CCDC77: variants seen among roughly 807,000 people sequenced by gnomAD.
CCDC77 encodes coiled-coil domain-containing protein 77.
Under a neutral mutation model 66.8 loss-of-function variants are expected in CCDC77, and 56 were observed. The ratio of observed to expected loss-of-function variants is 0.84; its 90% CI spans 0.68 to 1.05. The LOEUF (loss-of-function observed/expected upper bound fraction) is 1.05. Ranked by LOEUF, CCDC77 falls within the 50% of genes least tolerant of loss-of-function variation. The pLI is 0.00. For synonymous variants in CCDC77, 196 were observed against 195.2 expected, an observed-to-expected ratio of 1.00 and a Z score of -0.03; for missense variants, 570 against 576.8, an observed-to-expected ratio of 0.99 and a Z score of 0.12.
At chr12:416,030 G>A (rs10160995) in intron 4 of CCDC77, among the ~76,000 whole-genome samples, 118,577 of 151,452 alleles carry the variant, frequency 0.78, 46,652 homozygotes, top group Middle Eastern at 0.86. Context: ...GGTCTTGAAC[G>A]CCTGACCACA....
chr12:407,576 G>T (rs1456469209), intron 2 of CCDC77, among the ~76,000 whole-genome samples: 1 of 152,058 alleles, frequency 6.6e-6, no homozygotes. Context: ...TGAGACTTCA[G>T]GAGATCACCA....
intron 12 of CCDC77, 78 bp downstream of exon 12, chr12:441,074 A>C (rs1945849956): frequency 6.8e-7 from 1 of 1,468,134 alleles, no homozygotes; most frequent in Non-Finnish European, 9.4e-7. Context: ...GCCCCTGAAA[A>C]GAAGGATGTG....
At position 411,797 on chromosome 12, in the gene CCDC77, G is replaced by A. The variant is rs1447658703; in HGVS notation, c.89G>A (p.Arg30Lys). The change falls in exon 4 of 13, where the codon AGG (arginine) becomes AAG (lysine). Residue 30 changes from arginine (R) to lysine (K), a missense_variant. Physicochemically the swap from Arg to Lys is conservative, Grantham distance 26. Transcript: ENST00000239830. ...GTTGCCGTCAGTGGTCCCACCAAGA[G>A]GAGGGGAATGGCAGATTCACTGGAG... is the stretch of plus-strand genomic sequence containing the variant. ...RGVAVSGPTK[R>K]RGMADSLEST... 2 of 1,614,018 alleles carry A rather than the reference G, an allele frequency of 1.2e-6. No individual in the cohort carries two copies. The highest frequency in any genetic ancestry group is 1.7e-6 in the Non-Finnish European group (2 of 1,180,034).
At position 390,237 on chromosome 12, in the gene CCDC77, CT is replaced by C. The variant is rs1411501722; in HGVS notation, c.-113+753del. On this transcript the variant is annotated intron_variant, in intron 1 of 11. Transcript: ENST00000422000. ...TTACCAGTATCCTAATTTAAATACTCTTACTGACAACAGCTGATTTCTCCTC... is the reference window on the plus strand; with the variant it reads ...TTACCAGTATCCTAATTTAAATACTCTACTGACAACAGCTGATTTCTCCTC... 2.0e-5 allele frequency: 3 copies of C among 151,832 alleles called. No individual in the cohort carries two copies. In the East Asian group the frequency reaches 5.8e-4, roughly 29 times the overall value. 9.4% of individuals were successfully genotyped at this position (151,832 alleles called of 1,614,324 possible).
intron 1 of CCDC77, among the ~76,000 whole-genome samples, chr12:391,092 A>G (rs1477015381): frequency 6.6e-6 from 1 of 152,368 alleles, no homozygotes; most frequent in East Asian, 1.9e-4. Flanking sequence ...GAAGAGTGAC[A>G]ATGTCACATT....
rs1290835083 is a variant in CCDC77 at position 442,490 on chromosome 12, C to T, written c.*570C>T. 6.6e-6 allele frequency: 1 copy of T among 152,224 alleles called. No individual in the cohort carries two copies. The highest frequency in any genetic ancestry group is 2.4e-5 in the African/African-American group (1 of 41,442). The allele number at this position is 152,224 out of a possible 1,614,324, so 9.4% of individuals were successfully genotyped here. A position where few individuals can be genotyped will look rare whatever the true frequency, so the allele number is the denominator to read the frequency against. On this transcript the variant is annotated 3_prime_UTR_variant, in exon 13 of 13. Transcript: ENST00000239830. ...GCGCTAGAGACTCAAACGAAATGTC[C>T]ATCTGGAAAGATTCGGGAGACACTT...
intron 4 of CCDC77, among the ~76,000 whole-genome samples, chr12:414,235 G>A (rs1945178095): frequency 2.0e-5 from 3 of 151,710 alleles, no homozygotes; most frequent in Admixed American, 2.0e-4. Context: ...GGGATTATAG[G>A]TGCCCACCAC....
intron 5 of CCDC77, chr12:418,921 A>G (rs1945338983): frequency 3.2e-6 from 1 of 314,984 alleles, no homozygotes. Flanking sequence ...CTGGTCTCGA[A>G]CTCTTGGCCT....
chr12:436,317 C>T (rs904485291), intron 9 of CCDC77, among the ~76,000 whole-genome samples: 1 of 151,586 alleles, frequency 6.6e-6, no homozygotes, highest in South Asian at 2.1e-4. Flanking sequence ...TTAGTAGAGA[C>T]AAGGTTTCAC....
intron 2 of CCDC77, among the ~76,000 whole-genome samples, chr12:406,673 G>A (rs980466978): frequency 1.4e-4 from 22 of 152,288 alleles, no homozygotes; most frequent in Non-Finnish European, 2.9e-4. Flanking sequence ...GGGACCAGGC[G>A]TGGTGACTCA....
At chr12:427,033 T>G (rs1309347827) in intron 5 of CCDC77, among the ~76,000 whole-genome samples, 1 of 152,014 alleles carries the variant, frequency 6.6e-6, no homozygotes, top group South Asian at 2.1e-4. Context: ...GATCACGAGG[T>G]CAGGAGTTCA....
At chr12:403,684 G>T (rs935745298) in intron 1 of CCDC77, among the ~76,000 whole-genome samples, 1 of 152,140 alleles carries the variant, frequency 6.6e-6, no homozygotes, top group African/African-American at 2.4e-5. Context: ...TAGAGACAGG[G>T]TTTCACCATG....
chr12:423,309 T>TATATA (rs1555145524), intron 5 of CCDC77, among the ~76,000 whole-genome samples: 1 of 75,148 alleles, frequency 1.3e-5, no homozygotes, highest in East Asian at 3.0e-4. Flanking sequence ...TATATATATA[T>TATATA]TTTTTTTTTT....
chr12:393,617 T>C (rs547602435), intron 1 of CCDC77, among the ~76,000 whole-genome samples: 103 of 151,864 alleles, frequency 6.8e-4, no homozygotes, highest in Non-Finnish European at 1.2e-3. Context: ...TTGCAACCTC[T>C]GCCTCCTGGG....
intron 5 of CCDC77, among the ~76,000 whole-genome samples, chr12:423,494 G>GTTTGTTTTTGT (rs1945469706): frequency 8.5e-5 from 3 of 35,420 alleles, no homozygotes; most frequent in African/African-American, 2.4e-4. Context: ...TTTTTGTTTT[G>GTTTGTTTTTGT]TTTTTTTTTT....
At position 405,089 on chromosome 12, in the gene CCDC77, A is replaced by G. The variant is rs184312717; in HGVS notation, c.-70-422A>G. 3.3e-5 allele frequency among the ~76,000 whole-genome samples: 5 copies of G among 152,378 alleles called. No individual in the cohort carries two copies. In the East Asian group the frequency reaches 7.7e-4, roughly 23 times the overall value. On this transcript the variant is annotated intron_variant, in intron 1 of 12. Coordinates refer to ENST00000239830, the MANE Select transcript of CCDC77 (RefSeq NM_032358.4). The stretch of plus-strand genomic sequence containing the variant: ...ACTTTAAGTTGTCACCCATATCCGT[A>G]CAATGGAATTTTATTCAGCCACAAA...
At chr12:427,170 A>G (rs537473672) in intron 5 of CCDC77, among the ~76,000 whole-genome samples, 157 of 151,758 alleles carry the variant, frequency 1.0e-3, no homozygotes, top group African/African-American at 3.4e-3. Flanking sequence ...GCTTGAACCC[A>G]GGAGGCGGAG....
chr12:404,952 C>T (rs1306622971), intron 1 of CCDC77, among the ~76,000 whole-genome samples: 2 of 152,038 alleles, frequency 1.3e-5, no homozygotes, highest in African/African-American at 2.4e-5. Context: ...GAATTCCTGA[C>T]CTCAGGTGAT....
At chr12:393,154 C>T (rs773734782) in intron 1 of CCDC77, among the ~76,000 whole-genome samples, 2 of 152,062 alleles carry the variant, frequency 1.3e-5, no homozygotes, top group African/African-American at 2.4e-5. Context: ...GGTGTCACTC[C>T]GTTGCCCAGT....
Sources: allele counts gnomAD v4.1 joint callset (sites outside exome capture counted in the v4.1 genomes callset), GRCh38; gene constraint gnomAD v4.1.1; transcripts MANE v1.5; gene names NCBI Gene and HGNC (gene_info 2026-07-23, HGNC 2026-07-21).